The following PRKCB variants were observed in gnomAD, a reference collection of about 807,000 sequenced individuals.
The protein encoded by PRKCB is protein kinase C beta.
PRKCB carries 13 observed loss-of-function variants against 81.5 expected under a neutral mutation model. The ratio of observed to expected loss-of-function variants is 0.16; its 90% CI spans 0.10 to 0.25. The LOEUF (loss-of-function observed/expected upper bound fraction) is 0.25. Ranked by LOEUF, PRKCB falls within the 10% of genes least tolerant of loss-of-function variation. PRKCB has a pLI of 1.00. For missense variants in PRKCB, 509 were observed against 875.7 expected, an observed-to-expected ratio of 0.58 and a Z score of 5.29; for synonymous variants, 335 against 321.4, an observed-to-expected ratio of 1.04 and a Z score of -0.45.
chr16:24,149,555 T>A (rs912856828), intron 9 of PRKCB, among the ~76,000 whole-genome samples: 1 of 152,204 alleles, frequency 6.6e-6, no homozygotes, highest in Non-Finnish European at 1.5e-5. Context: ...TTTGATAATA[T>A]CTGGTGATTA....
intron 3 of PRKCB, among the ~76,000 whole-genome samples, chr16:24,026,631 G>T (rs1309081787): frequency 6.6e-6 from 1 of 152,104 alleles, no homozygotes; most frequent in Admixed American, 6.6e-5. Flanking sequence ...CCTAACTCTT[G>T]GCCTCTGTAA....
In PRKCB at chr16:23,888,772, G is replaced by T. The variant is rs1032272227; in HGVS notation, c.205+51366G>T. Among the ~76,000 whole-genome samples the T allele has an allele frequency of 5.3e-5, 8 of 152,232 alleles. 1 individual carries two copies. Among genetic ancestry groups the T allele is most frequent in the Admixed American group, 5.2e-4 (8 of 15,288 alleles). Reference sequence around the variant, plus strand: ...CCTCATCTGCCAGGATGGGGCTACTGTGCAGGGACTGGGTAACAGGCTTGA... The same window carrying T: ...CCTCATCTGCCAGGATGGGGCTACTTTGCAGGGACTGGGTAACAGGCTTGA... On this transcript the variant is annotated intron_variant, in intron 2 of 16. Coordinates refer to ENST00000643927, the MANE Select transcript of PRKCB (RefSeq NM_002738.7).
Position 24,038,176 on chromosome 16 carries a change from C to T in PRKCB, c.529+2629C>T, listed in dbSNP as rs147544046. On this transcript the variant is annotated intron_variant, in intron 5 of 16. Coordinates refer to ENST00000643927, the MANE Select transcript of PRKCB (RefSeq NM_002738.7). ...CAGCCTGGGTGACAGAGCAAGACTC[C>T]GTCTCATAAAACAAAAACAAGAAAA... Among the ~76,000 whole-genome samples, 301 of 151,872 alleles carry T rather than the reference C, an allele frequency of 2.0e-3. 2 individuals are homozygous for T. The highest frequency in any genetic ancestry group is 7.0e-3 in the African/African-American group (290 of 41,400).
chr16:24,215,996 AAAAAAG>A lies in PRKCB; in HGVS notation c.*1185_*1190del, dbSNP rs1968222073. On this transcript the variant is annotated 3_prime_UTR_variant, in exon 17 of 17. Coordinates refer to ENST00000643927, the MANE Select transcript of PRKCB (RefSeq NM_002738.7). Reference sequence around the variant, plus strand: ...AGCATCGAGATACAATAAAAAAAAAAAAAAAGAAAAGAAGAAGAAATACTATTTCAA... The same window carrying A: ...AGCATCGAGATACAATAAAAAAAAAAAAAAGAAGAAGAAATACTATTTCAA... 1.0e-6 allele frequency: 1 copy of A among 984,592 alleles called. No individual in the cohort carries two copies. Among genetic ancestry groups the A allele is most frequent in the Non-Finnish European group, 1.2e-6 (1 of 829,236 alleles). The allele number at this position is 984,592 out of a possible 1,614,324, so 61.0% of individuals were successfully genotyped here.
intron 2 of PRKCB, among the ~76,000 whole-genome samples, chr16:23,909,634 A>C (rs181225585): frequency 3.0e-4 from 45 of 152,200 alleles, no homozygotes; most frequent in Admixed American, 1.1e-3. Flanking sequence ...CTCCCAAGTC[A>C]CTATCATTCC....
chr16:24,144,390 T>C (rs412246), intron 9 of PRKCB, among the ~76,000 whole-genome samples: 55,263 of 151,910 alleles, frequency 0.36, 10,400 homozygotes, highest in South Asian at 0.47. Context: ...CCTCCACCTC[T>C]CGGGTTCAAG....
intron 2 of PRKCB, among the ~76,000 whole-genome samples, chr16:23,984,241 G>T (rs1162948917): frequency 6.6e-6 from 1 of 152,236 alleles, no homozygotes; most frequent in Non-Finnish European, 1.5e-5. Flanking sequence ...TGGTTGGCAT[G>T]GTTCTGGGCA....
At chr16:24,147,165 G>A (rs1207256474) in intron 9 of PRKCB, among the ~76,000 whole-genome samples, 2 of 151,892 alleles carry the variant, frequency 1.3e-5, no homozygotes, top group African/African-American at 4.8e-5. Context: ...AAAATTAGCC[G>A]GGCATCGTGG....
chr16:24,197,639 G>A (rs1457751158), intron 16 of PRKCB, among the ~76,000 whole-genome samples: 1 of 152,174 alleles, frequency 6.6e-6, no homozygotes, highest in Non-Finnish European at 1.5e-5. Flanking sequence ...GTGCTGCAGG[G>A]ACAAGGGTGA....
chr16:23,916,778 G>T (rs1329425817), intron 2 of PRKCB, among the ~76,000 whole-genome samples: 1 of 151,510 alleles, frequency 6.6e-6, no homozygotes, highest in Non-Finnish European at 1.5e-5. Context: ...TCTTTTTTTT[G>T]AAACAGAGTC....
chr16:24,093,330 G>GAT (rs572091427), intron 6 of PRKCB, among the ~76,000 whole-genome samples: 307 of 152,256 alleles, frequency 2.0e-3, no homozygotes, highest in African/African-American at 7.3e-3. Flanking sequence ...GTTTATGGAT[G>GAT]ATGCTTGGCC....
intron 2 of PRKCB, among the ~76,000 whole-genome samples, chr16:23,854,103 C>T (rs1039611869): frequency 2.0e-5 from 3 of 151,362 alleles, no homozygotes; most frequent in African/African-American, 4.8e-5. Context: ...ATTCCATTAC[C>T]TTCCGCCAGG....
chr16:24,028,720 C>T (rs34001338), intron 3 of PRKCB, among the ~76,000 whole-genome samples: 2 of 151,992 alleles, frequency 1.3e-5, no homozygotes. Context: ...TCCATTCACA[C>T]GTCGAACGAC....
At chr16:23,998,560 A>C (rs1156672559) in intron 3 of PRKCB, among the ~76,000 whole-genome samples, 1 of 152,200 alleles carries the variant, frequency 6.6e-6, no homozygotes, top group Non-Finnish European at 1.5e-5. Context: ...ACCTTGGACA[A>C]ATAACTTAAA....
At chr16:24,212,245 T>C (rs917525835) in intron 16 of PRKCB, among the ~76,000 whole-genome samples, 1 of 152,092 alleles carries the variant, frequency 6.6e-6, no homozygotes, top group Non-Finnish European at 1.5e-5. Context: ...ATTTTTATCA[T>C]GGGCAAATGG....
chr16:23,959,187 T>C (rs1434007721), intron 2 of PRKCB, among the ~76,000 whole-genome samples: 1 of 152,206 alleles, frequency 6.6e-6, no homozygotes. Flanking sequence ...CTGTGGATTA[T>C]GTCAAGGGTG....
intron 16 of PRKCB, among the ~76,000 whole-genome samples, chr16:24,193,004 G>C (rs1967817239): frequency 6.6e-6 from 1 of 151,934 alleles, no homozygotes; most frequent in Admixed American, 6.5e-5. Context: ...CTGTTACCCA[G>C]GTTGGAGTGC....
At chr16:24,031,401 G>A (rs186920538) in intron 3 of PRKCB, among the ~76,000 whole-genome samples, 9 of 152,282 alleles carry the variant, frequency 5.9e-5, no homozygotes, top group Admixed American at 3.9e-4. Context: ...TGAACCAGTG[G>A]GGAGAGGGAA....
At chr16:24,138,894 C>T (rs1966876438) in intron 9 of PRKCB, among the ~76,000 whole-genome samples, 1 of 144,514 alleles carries the variant, frequency 6.9e-6, no homozygotes, top group South Asian at 2.2e-4. Flanking sequence ...GCTCTGTCTC[C>T]CAGGCTAGAG....
Sources: allele counts gnomAD v4.1 joint callset (sites outside exome capture counted in the v4.1 genomes callset), GRCh38; gene constraint gnomAD v4.1.1; transcripts MANE v1.5; gene names NCBI Gene and HGNC (gene_info 2026-07-23, HGNC 2026-07-21).